MKNK2: variants seen among roughly 807,000 people sequenced by gnomAD.
MKNK2 encodes the protein MAP kinase-interacting serine/threonine-protein kinase 2.
MKNK2 carries 54 observed loss-of-function variants against 55.0 expected under a neutral mutation model. The observed-to-expected ratio is 0.98, with a 90% CI of 0.79 to 1.23. The LOEUF (loss-of-function observed/expected upper bound fraction) is 1.23. Among genes scored for constraint, MKNK2 ranks in the 50% most tolerant of loss-of-function variants. MKNK2 has a pLI of 0.00. For missense variants in MKNK2, 685 were observed against 632.1 expected, an observed-to-expected ratio of 1.08 and a Z score of -0.90; for synonymous variants, 323 against 256.0, an observed-to-expected ratio of 1.26 and a Z score of -2.50.
intron 12 of MKNK2, 101 bp from the exon 13 acceptor site, chr19:2,040,278 C>G: frequency 9.4e-7 from 1 of 1,064,444 alleles, no homozygotes; most frequent in South Asian, 1.6e-5. Context: ...CATCCCATCA[C>G]CAGGACCCCA....
intron 11 of MKNK2, 151 bp downstream of exon 11, chr19:2,041,689 G>A (rs762062006): frequency 8.0e-6 from 5 of 623,580 alleles, no homozygotes; most frequent in Admixed American, 3.2e-5. Context: ...GGAGCACACA[G>A]GGCAGGTCCC....
At position 2,037,508 on chromosome 19, in the gene MKNK2, G is replaced by A; in HGVS notation, c.*2105C>T. 2.7e-6 allele frequency: 1 copy of A among 367,242 alleles called. No homozygotes were observed. The highest frequency in any genetic ancestry group is 4.1e-5 in the East Asian group (1 of 24,662). The allele number at this position is 367,242 out of a possible 1,614,324, so 22.7% of individuals were successfully genotyped here. ...ACTTTTATTAAATCTTTACAAAACA[G>A]AATACAAAATTCCGGCATTGACAGT... On this transcript the variant is annotated 3_prime_UTR_variant, in exon 14 of 14. Transcript: ENST00000250896.
intron 5 of MKNK2, among the ~76,000 whole-genome samples, chr19:2,045,056 G>A (rs1165160877): frequency 3.3e-5 from 5 of 152,078 alleles, no homozygotes; most frequent in African/African-American, 4.8e-5. Flanking sequence ...TCTCTGACTC[G>A]CCCAGGACAC....
Position 2,037,758 on chromosome 19 carries a change from G to T in MKNK2, c.*1855C>A. 1 of 1,604,658 alleles carries T rather than the reference G, an allele frequency of 6.2e-7. No individual in the cohort carries two copies. Among genetic ancestry groups the T allele is most frequent in the Non-Finnish European group, 8.5e-7 (1 of 1,174,954 alleles). ...GGATCTTCACTCATTCACAGTAACG[G>T]TTCTGACCAGTCCTCCAGGTCGCAC... is the stretch of plus-strand genomic sequence containing the variant. On this transcript the variant is annotated 3_prime_UTR_variant, in exon 14 of 14. Coordinates refer to ENST00000250896, the MANE Select transcript of MKNK2 (RefSeq NM_199054.3).
chr19:2,042,465 C>A lies in MKNK2; in HGVS notation c.712G>T (p.Asp238Tyr), dbSNP rs1313452234. ...TCCGGGGTGGAGATAGGGGAGCAGTCCCCGTTGAGTTTGATGCCGCTGCCC... is the reference window on the plus strand; with the variant it reads ...TCCGGGGTGGAGATAGGGGAGCAGTACCCGTTGAGTTTGATGCCGCTGCCC... ...DLGSGIKLNG[D>Y]CSPISTPELL... Residue 238 changes from aspartate (D) to tyrosine (Y), a missense_variant, in exon 10 of 14, where the codon GAC becomes TAC. Physicochemically the swap from Asp to Tyr is radical, Grantham distance 160 (BLOSUM62 -3). Transcript: ENST00000250896. 2 of 1,593,400 alleles carry A rather than the reference C, an allele frequency of 1.3e-6. No homozygotes were observed. The highest frequency in any genetic ancestry group is 1.1e-5 in the South Asian group (1 of 87,400).
In MKNK2 at chr19:2,039,312, G is replaced by A. The variant is rs2016821506; in HGVS notation, c.*301C>T. The stretch of plus-strand genomic sequence containing the variant: ...ACCTGGGGGCACCTTCATAGTAGAG[G>A]TGAGCAGGGCGGGGGACCGGGGAGG... On this transcript the variant is annotated 3_prime_UTR_variant, in exon 14 of 14. Transcript: ENST00000250896. 18 of 1,266,644 alleles carry A rather than the reference G, an allele frequency of 1.4e-5. No homozygotes were observed. The highest frequency in any genetic ancestry group is 1.8e-5 in the Non-Finnish European group (18 of 1,000,652). 78.5% of individuals were successfully genotyped at this position (1,266,644 alleles called of 1,614,324 possible). A position where few individuals can be genotyped will look rare whatever the true frequency, so the allele number is the denominator to read the frequency against.
In MKNK2 at chr19:2,040,126, G is replaced by A; in HGVS notation, c.1154+8C>T. ...CTCAGGGGTCCCGAGCACCCCTGCGGGCCTTACCTCTGCAGGACCATGGGA... is the reference window on the plus strand; with the variant it reads ...CTCAGGGGTCCCGAGCACCCCTGCGAGCCTTACCTCTGCAGGACCATGGGA... On this transcript the variant is annotated splice_region_variant and intron_variant, in intron 13 of 13. Coordinates refer to ENST00000250896, the MANE Select transcript of MKNK2 (RefSeq NM_199054.3). 6.3e-7 allele frequency: 1 copy of A among 1,589,434 alleles called. No individual in the cohort carries two copies. The highest frequency in any genetic ancestry group is 2.3e-5 in the East Asian group (1 of 44,036).
chr19:2,039,691 G>A lies in MKNK2; in HGVS notation c.1320C>T (p.Ser440=). 6.2e-7 allele frequency: 1 copy of A among 1,613,122 alleles called. No individual in the cohort carries two copies. The highest frequency in any genetic ancestry group is 1.7e-5 in the Admixed American group (1 of 60,028). ...TSRCLQLSPP[S]QSKLAQRRQR... ...GCCGCCGCTGCGCCAGCTTGGACTG[G>A]GAGGGTGGAGACAGCTGCAGGCAGC... is the stretch of plus-strand genomic sequence containing the variant. The change falls in exon 14 of 14, where the codon TCC becomes TCT. Residue 440 remains serine (S), a synonymous_variant. Coordinates refer to ENST00000250896, the MANE Select transcript of MKNK2 (RefSeq NM_199054.3).
At chr19:2,042,182 G>T (rs978606599) in intron 10 of MKNK2, 148 bp from the exon 11 acceptor site, 5 of 785,850 alleles carry the variant, frequency 6.4e-6, no homozygotes, top group Non-Finnish European at 9.4e-6. Context: ...ACGCGCCCCC[G>T]CCCAATCAGC....
rs199860780 is a variant in MKNK2 at position 2,042,841 on chromosome 19, G to A, written c.523C>T (p.Arg175Trp). 1.5e-5 allele frequency: 23 copies of A among 1,572,740 alleles called. No individual in the cohort carries two copies. The Admixed American group carries it at 3.0e-4, about 21-fold the overall frequency. ...CTGGCCTCCAGCTCGTTGAAGTGCCGGCGCTTGTGGATGTGGCTCAGGATG... is the reference window on the plus strand; with the variant it reads ...CTGGCCTCCAGCTCGTTGAAGTGCCAGCGCTTGTGGATGTGGCTCAGGATG... Reference protein sequence around the residue: ...GSILSHIHKRRHFNELEASVV... With the variant: ...GSILSHIHKRWHFNELEASVV... Residue 175 changes from arginine (R) to tryptophan (W), a missense_variant, in exon 8 of 14, where the codon CGG becomes TGG. Physicochemically the swap from Arg to Trp is moderately radical, Grantham distance 101. Transcript: ENST00000250896.
At chr19:2,050,350 T>G (rs897331055) in intron 2 of MKNK2, among the ~76,000 whole-genome samples, 1 of 152,082 alleles carries the variant, frequency 6.6e-6, no homozygotes, top group Non-Finnish European at 1.5e-5. Context: ...AGAAGCCACA[T>G]GGAGGTGGGA....
At chr19:2,048,239 TTCTTGACCCA>T (rs2017040730) in intron 2 of MKNK2, among the ~76,000 whole-genome samples, 1 of 152,072 alleles carries the variant, frequency 6.6e-6, no homozygotes, top group African/African-American at 2.4e-5. Flanking sequence ...GCTGGGTCAT[TTCTTGACCCA>T]GCCCCAGGAC....
At chr19:2,045,712 G>A (rs1273108405) in intron 5 of MKNK2, among the ~76,000 whole-genome samples, 2 of 152,154 alleles carry the variant, frequency 1.3e-5, no homozygotes, top group Non-Finnish European at 2.9e-5. Flanking sequence ...TGGAACACGG[G>A]ATCCAACCGG....
At chr19:2,040,986 G>A in intron 12 of MKNK2, 54 bp downstream of exon 12, 1 of 1,578,112 alleles carries the variant, frequency 6.3e-7, no homozygotes, top group Non-Finnish European at 8.7e-7. Flanking sequence ...TCGCTCTGAG[G>A]CCACCCTGCA....
chr19:2,040,440 G>A, intron 12 of MKNK2: 4 of 478,036 alleles, frequency 8.4e-6, no homozygotes, highest in Non-Finnish European at 1.5e-5. Flanking sequence ...TGGGGGCAGA[G>A]CCCCAAGCCC....
rs550034974 is a variant in MKNK2, at chr19:2,042,175, C to T, written c.751-141G>A. On this transcript the variant is annotated intron_variant, in intron 10 of 13. Transcript: ENST00000250896. Reference sequence around the variant, plus strand: ...GACCAATCAGCGGCTGCCGGGAACGCGCCCCCGCCCAATCAGCAGGTGCAG... The same window carrying T: ...GACCAATCAGCGGCTGCCGGGAACGTGCCCCCGCCCAATCAGCAGGTGCAG... 3.9e-3 allele frequency: 3,271 copies of T among 835,452 alleles called. 19 individuals carry two copies. The highest frequency in any genetic ancestry group is 5.1e-3 in the Admixed American group (138 of 27,222). The allele number at this position is 835,452 out of a possible 1,614,324, so 51.8% of individuals were successfully genotyped here.
chr19:2,039,269 TGGCGGGCAGCACAGGTGACCTGGG>T lies in MKNK2; in HGVS notation c.*320_*343del. On this transcript the variant is annotated 3_prime_UTR_variant, in exon 14 of 14. Transcript: ENST00000250896. ...AGTCACTGCAAGCCACGTGGGCAGA[TGGCGGGCAGCACAGGTGACCTGGG>T]GGCACCTTCATAGTAGAGGTGAGCA... 8.7e-7 allele frequency: 1 copy of T among 1,148,380 alleles called. No homozygotes were observed. Among genetic ancestry groups the T allele is most frequent in the Non-Finnish European group, 1.1e-6 (1 of 929,788 alleles). 71.1% of individuals were successfully genotyped at this position (1,148,380 alleles called of 1,614,324 possible). A position where few individuals can be genotyped will look rare whatever the true frequency, so the allele number is the denominator to read the frequency against.
chr19:2,040,200 C>A, intron 12 of MKNK2, 23 bp from the exon 13 acceptor site: 1 of 1,558,836 alleles, frequency 6.4e-7, no homozygotes, highest in East Asian at 2.3e-5. Flanking sequence ...TGGGCGGGGG[C>A]AGGGCTGGAG....
chr19:2,039,908 C>A (rs555754957), intron 13 of MKNK2, 52 bp from the exon 14 acceptor site: 15 of 1,553,864 alleles, frequency 9.7e-6, no homozygotes, highest in South Asian at 1.2e-5. Flanking sequence ...CCTCAGGGGA[C>A]CCCTGGGGTC....
Sources: allele counts gnomAD v4.1 joint callset (sites outside exome capture counted in the v4.1 genomes callset), GRCh38; gene constraint gnomAD v4.1.1; transcripts MANE v1.5; gene names NCBI Gene and HGNC (gene_info 2026-07-23, HGNC 2026-07-21).